The following CHST9 variants were observed in gnomAD, a reference collection of about 807,000 sequenced individuals.
CHST9 encodes carbohydrate sulfotransferase 9.
CHST9 carries 41 observed loss-of-function variants against 44.4 expected under a neutral mutation model. The ratio of observed to expected loss-of-function variants is 0.92; its 90% CI spans 0.72 to 1.20. CHST9 has a LOEUF of 1.20. Among genes scored for constraint, CHST9 ranks in the 50% most tolerant of loss-of-function variants. The pLI, the probability that CHST9 is intolerant of heterozygous loss-of-function variation, is 0.00. For synonymous variants in CHST9, 171 were observed against 178.4 expected (o/e 0.96, Z 0.33); for missense variants, 504 against 516.5 (o/e 0.98, Z 0.23).
intron 2 of CHST9, among the ~76,000 whole-genome samples, chr18:27,088,146 A>G (rs2058031030): frequency 6.6e-6 from 1 of 152,218 alleles, no homozygotes; most frequent in Non-Finnish European, 1.5e-5. Context: ...AATACTCTGC[A>G]TATAGTTTTG....
intron 4 of CHST9, among the ~76,000 whole-genome samples, chr18:26,945,342 T>C (rs1380553148): frequency 6.6e-6 from 1 of 152,212 alleles, no homozygotes; most frequent in Non-Finnish European, 1.5e-5. Flanking sequence ...ACAACCAAGG[T>C]ATTAATATTG....
intron 2 of CHST9, among the ~76,000 whole-genome samples, chr18:27,075,822 G>A (rs896643274): frequency 1.7e-4 from 26 of 152,110 alleles, no homozygotes; most frequent in African/African-American, 6.3e-4. Context: ...AAATCTGCCA[G>A]ATTTAGGGAT....
chr18:27,045,043 T>C (rs1407714980), intron 3 of CHST9, among the ~76,000 whole-genome samples: 7 of 145,186 alleles, frequency 4.8e-5, no homozygotes, highest in African/African-American at 1.8e-4. Context: ...CCTTTTGAGT[T>C]GAGAAAAAAA....
At chr18:26,996,673 G>C (rs2056891660) in intron 4 of CHST9, among the ~76,000 whole-genome samples, 1 of 152,196 alleles carries the variant, frequency 6.6e-6, no homozygotes, top group Admixed American at 6.5e-5. Flanking sequence ...AGACAGGCCT[G>C]AGGATACAGA....
chr18:26,937,655 T>C (rs947429906), intron 5 of CHST9, among the ~76,000 whole-genome samples: 1 of 152,200 alleles, frequency 6.6e-6, no homozygotes, highest in African/African-American at 2.4e-5. Flanking sequence ...TGACCACTTA[T>C]GCATGCATGA....
chr18:27,180,994 C>T (rs1428746971), intron 1 of CHST9, among the ~76,000 whole-genome samples: 3 of 152,090 alleles, frequency 2.0e-5, no homozygotes, highest in Non-Finnish European at 4.4e-5. Context: ...AGCATCCCTA[C>T]ACTTTATGTA....
rs1683445 is a variant in CHST9, at chr18:26,979,642, C to T, written c.203-35276G>A. ...TTCTTCTAAGAGTTAATTTAATTGT[C>T]TATATTTGTCATTTTACCAAGAGCT... On this transcript the variant is annotated intron_variant, in intron 4 of 5. Transcript: ENST00000618847. Among the ~76,000 whole-genome samples, 3 of 152,032 alleles carry T rather than the reference C, an allele frequency of 2.0e-5. No homozygotes were observed. In the East Asian group the frequency reaches 5.8e-4, roughly 29 times the overall value.
rs1325098142 is a variant in CHST9 at position 27,114,221 on chromosome 18, C to A, written c.121+28468G>T. On this transcript the variant is annotated intron_variant, in intron 2 of 5. Coordinates refer to ENST00000618847, the MANE Select transcript of CHST9 (RefSeq NM_031422.6). ...GAGGATTATGACCCAATTATAACGA[C>A]GGAATCTTTATAAGTGAAAAAGAGT... Among the ~76,000 whole-genome samples, 5 of 152,212 alleles carry A rather than the reference C, an allele frequency of 3.3e-5. No individual in the cohort carries two copies. In the East Asian group the frequency reaches 9.7e-4, roughly 29 times the overall value.
At chr18:27,050,127 G>A (rs575075543) in intron 2 of CHST9, among the ~76,000 whole-genome samples, 2 of 152,264 alleles carry the variant, frequency 1.3e-5, no homozygotes, top group South Asian at 2.1e-4. Flanking sequence ...GAGAGACTGC[G>A]AGGGTTTGGG....
intron 3 of CHST9, among the ~76,000 whole-genome samples, chr18:27,046,398 T>C (rs1324118074): frequency 6.6e-6 from 1 of 152,046 alleles, no homozygotes; most frequent in Non-Finnish European, 1.5e-5. Context: ...ATACATTTAG[T>C]GCAATAGGAT....
chr18:26,954,480 T>C (rs1476094509), intron 4 of CHST9, among the ~76,000 whole-genome samples: 4 of 152,242 alleles, frequency 2.6e-5, no homozygotes, highest in Non-Finnish European at 5.9e-5. Flanking sequence ...CTTGTAGGCC[T>C]TGCACCATCT....
intron 1 of CHST9, among the ~76,000 whole-genome samples, chr18:27,179,102 C>A (rs200377502): frequency 0.18 from 21,592 of 119,864 alleles, 1,852 homozygotes; most frequent in African/African-American, 0.29. Context: ...CTCTCTCTCT[C>A]TCTATATATA....
chr18:26,978,283 G>GAA (rs2056649570), intron 4 of CHST9, among the ~76,000 whole-genome samples: 1 of 128,958 alleles, frequency 7.8e-6, no homozygotes, highest in Non-Finnish European at 1.8e-5. Flanking sequence ...GTGAGTGTGT[G>GAA]TATGTGTGTG....
chr18:27,102,347 C>A (rs1175931852), intron 2 of CHST9, among the ~76,000 whole-genome samples: 1 of 152,066 alleles, frequency 6.6e-6, no homozygotes, highest in Non-Finnish European at 1.5e-5. Context: ...ATGGCCATGG[C>A]AAAATTTATG....
At chr18:26,936,324 T>C (rs752787811) in intron 5 of CHST9, 2 of 151,598 alleles carry the variant, frequency 1.3e-5, no homozygotes, top group South Asian at 4.1e-4. Context: ...AAGTTCTTTA[T>C]CACAAGAAGA....
chr18:26,990,360 G>A (rs1026108426), intron 4 of CHST9, among the ~76,000 whole-genome samples: 5 of 152,296 alleles, frequency 3.3e-5, no homozygotes, highest in Admixed American at 2.6e-4. Flanking sequence ...ATTGGAAGGA[G>A]GCTGGAGGGA....
chr18:27,018,269 C>T (rs538729296), intron 4 of CHST9, among the ~76,000 whole-genome samples: 2 of 152,208 alleles, frequency 1.3e-5, no homozygotes, highest in East Asian at 3.9e-4. Context: ...TAGATTACTC[C>T]GAACCTCAAT....
At chr18:26,953,522 A>C (rs1027538413) in intron 4 of CHST9, among the ~76,000 whole-genome samples, 1 of 152,166 alleles carries the variant, frequency 6.6e-6, no homozygotes, top group Non-Finnish European at 1.5e-5. Context: ...GGTGGGTTGC[A>C]CAAAGTAAGT....
intron 2 of CHST9, among the ~76,000 whole-genome samples, chr18:27,095,066 A>G (rs190221135): frequency 6.6e-6 from 1 of 152,304 alleles, no homozygotes; most frequent in East Asian, 1.9e-4. Flanking sequence ...CCCCTTCAAA[A>G]TGAGGTAGTG....
Sources: gnomAD v4.1 joint callset for allele counts (sites outside exome capture counted in the v4.1 genomes callset) on GRCh38, gnomAD v4.1.1 for gene constraint, MANE v1.5 for transcripts, NCBI Gene and HGNC (gene_info 2026-07-23, HGNC 2026-07-21) for gene names.